Variants in BLTP1 observed in about 807,000 individuals in gnomAD.
BLTP1 encodes the protein bridge-like lipid transfer protein family member 1, also known as fragile site-associated protein.
At chr4:122,165,218 C>T in the BLTP1 span, among the ~76,000 whole-genome samples, 1 of 151,928 alleles carries the variant, frequency 6.6e-6, no homozygotes, top group Admixed American at 6.6e-5. Flanking sequence ...CTGTCCCTCC[C>T]CTCTCCCCCG....
At chr4:122,186,043 G>A in the BLTP1 span, 1 of 1,579,312 alleles carries the variant, frequency 6.3e-7, no homozygotes, top group Non-Finnish European at 8.6e-7. Context: ...TAGATCCAAA[G>A]GCAGAAACCA....
chr4:122,286,555 T>C, the BLTP1 span: 1 of 1,614,048 alleles, frequency 6.2e-7, no homozygotes. Flanking sequence ...ACAGACAAGA[T>C]TTACATTTGA....
At chr4:122,321,979 A>ATTTTTTTTTTTTTTTTTTTTTTTTT in the BLTP1 span, among the ~76,000 whole-genome samples, 26 of 27,018 alleles carry the variant, frequency 9.6e-4, 1 homozygote, top group African/African-American at 1.5e-3. Context: ...ACTACATGTA[A>ATTTTTTTTTTTTTTTTTTTTTTTTT]TTTTTTTTTT....
the BLTP1 span, among the ~76,000 whole-genome samples, chr4:122,320,491 T>C: frequency 6.6e-6 from 1 of 152,162 alleles, no homozygotes; most frequent in Non-Finnish European, 1.5e-5. Context: ...GATTGTTATT[T>C]GTTCTTGAAG....
the BLTP1 span, among the ~76,000 whole-genome samples, chr4:122,191,301 T>C: frequency 1.1e-4 from 16 of 152,228 alleles, no homozygotes; most frequent in South Asian, 3.1e-3. Context: ...CCAGTTTTAT[T>C]TGAAAGAGTA....
At chr4:122,339,423 C>A in the BLTP1 span, 1 of 1,596,118 alleles carries the variant, frequency 6.3e-7, no homozygotes, top group Non-Finnish European at 8.6e-7. Context: ...AGATAATGTT[C>A]TTTTATTCCT....
At chr4:122,182,618 A>T in the BLTP1 span, 12 of 984,730 alleles carry the variant, frequency 1.2e-5, no homozygotes, top group Admixed American at 2.5e-4. Flanking sequence ...GGAGCCCTCC[A>T]TCTACCATTC....
At chr4:122,339,102 A>C in the BLTP1 span, 1 of 1,264,998 alleles carries the variant, frequency 7.9e-7, no homozygotes, top group African/African-American at 1.5e-5. Context: ...CTTTCTGTTT[A>C]AAAAAAATGT....
the BLTP1 span, chr4:122,257,510 C>A: frequency 6.2e-7 from 1 of 1,612,680 alleles, no homozygotes; most frequent in Non-Finnish European, 8.5e-7. Context: ...TTTTGTAAGC[C>A]TCTATTGAGT....
At chr4:122,155,345 A>G in the BLTP1 span, among the ~76,000 whole-genome samples, 2 of 146,686 alleles carry the variant, frequency 1.4e-5, no homozygotes, top group Non-Finnish European at 3.0e-5. Context: ...TTTTTTGGAG[A>G]CACAATTTCA....
chr4:122,316,598 A>G, the BLTP1 span: 1 of 1,199,510 alleles, frequency 8.3e-7, no homozygotes, highest in Non-Finnish European at 1.2e-6. Flanking sequence ...GATTTAAATC[A>G]ATGGAGAATT....
the BLTP1 span, chr4:122,207,611 T>C: frequency 1.4e-5 from 23 of 1,608,082 alleles, no homozygotes; most frequent in Middle Eastern, 1.6e-4. Context: ...TTGTTCCAGC[T>C]ACATGTAATA....
the BLTP1 span, chr4:122,309,197 C>T: frequency 3.2e-6 from 5 of 1,543,492 alleles, no homozygotes; most frequent in Non-Finnish European, 4.4e-6. Flanking sequence ...TCCTATGAAT[C>T]CTGTGAGGAT....
the BLTP1 span, chr4:122,281,505 A>G: frequency 6.5e-7 from 1 of 1,541,426 alleles, no homozygotes; most frequent in Non-Finnish European, 8.7e-7. Context: ...TCCTGTGTTT[A>G]TTTTTTAATT....
At chr4:122,257,046 T>C in the BLTP1 span, among the ~76,000 whole-genome samples, 1 of 152,200 alleles carries the variant, frequency 6.6e-6, no homozygotes, top group Non-Finnish European at 1.5e-5. Flanking sequence ...GATGAAACGT[T>C]GTGCCTAGAG....
At chr4:122,345,446 T>C in the BLTP1 span, among the ~76,000 whole-genome samples, 7 of 151,684 alleles carry the variant, frequency 4.6e-5, no homozygotes, top group Admixed American at 3.9e-4. Context: ...TTCTGGATCA[T>C]ACTTTGATTT....
At chr4:122,219,693 T>C in the BLTP1 span, 2 of 646,352 alleles carry the variant, frequency 3.1e-6, no homozygotes, top group Non-Finnish European at 5.2e-6. Flanking sequence ...TTTATTCTTT[T>C]ACTGTTATAA....
chr4:122,229,632 C>G, the BLTP1 span: 1 of 744,844 alleles, frequency 1.3e-6, no homozygotes, highest in Non-Finnish European at 1.6e-6. Context: ...AGTGCAAAAT[C>G]AAGCCTTGTT....
At chr4:122,166,747 C>T in the BLTP1 span, among the ~76,000 whole-genome samples, 1 of 152,112 alleles carries the variant, frequency 6.6e-6, no homozygotes. Context: ...TCTTTTATTT[C>T]CTTGAGCAGT....
Sources: gnomAD v4.1 joint callset for allele counts (sites outside exome capture counted in the v4.1 genomes callset) on GRCh38, gnomAD v4.1.1 for gene constraint, MANE v1.5 for transcripts, NCBI Gene and HGNC (gene_info 2026-07-23, HGNC 2026-07-21) for gene names.